GPC6: variants seen among roughly 807,000 people sequenced by gnomAD.
The protein encoded by GPC6 is glypican-6.
A neutral mutation model predicts 55.2 loss-of-function variants in GPC6; 14 were observed. That is an observed-to-expected ratio of 0.25 (90% CI 0.17 to 0.40). GPC6 has a LOEUF of 0.40. Ranked by LOEUF, GPC6 falls within the 10% of genes least tolerant of loss-of-function variation. The pLI is 1.00. For missense variants in GPC6, 641 were observed against 708.5 expected, an observed-to-expected ratio of 0.90 and a Z score of 1.08; for synonymous variants, 278 against 259.6, an observed-to-expected ratio of 1.07 and a Z score of -0.68.
At chr13:93,662,463 C>G (rs1409433964) in intron 2 of GPC6, among the ~76,000 whole-genome samples, 1 of 151,950 alleles carries the variant, frequency 6.6e-6, no homozygotes, top group Non-Finnish European at 1.5e-5. Flanking sequence ...AACCCTGTCT[C>G]TACTAAAAAA....
intron 3 of GPC6, among the ~76,000 whole-genome samples, chr13:93,994,417 T>C (rs543863943): frequency 6.6e-6 from 1 of 152,334 alleles, no homozygotes; most frequent in Non-Finnish European, 1.5e-5. Flanking sequence ...TATAACATTG[T>C]GGATTGGTTA....
At chr13:93,692,163 G>C (rs902427783) in intron 2 of GPC6, among the ~76,000 whole-genome samples, 1 of 152,032 alleles carries the variant, frequency 6.6e-6, no homozygotes, top group Admixed American at 6.6e-5. Context: ...CTGCTTCACT[G>C]TGTTGCCTTT....
At chr13:94,015,877 T>C (rs1440710959) in intron 3 of GPC6, among the ~76,000 whole-genome samples, 3 of 152,240 alleles carry the variant, frequency 2.0e-5, no homozygotes, top group Admixed American at 2.0e-4. Context: ...CTTACACCAG[T>C]ACCACTGTGT....
intron 1 of GPC6, among the ~76,000 whole-genome samples, chr13:93,477,202 G>C (rs1267541880): frequency 6.6e-6 from 1 of 151,930 alleles, no homozygotes; most frequent in Non-Finnish European, 1.5e-5. Flanking sequence ...TGATATTTTA[G>C]AGTATCCCAG....
intron 3 of GPC6, among the ~76,000 whole-genome samples, chr13:93,949,823 C>G (rs1879172829): frequency 6.6e-6 from 1 of 152,080 alleles, no homozygotes. Context: ...CACCTCTGGG[C>G]TCCCGTGATC....
At chr13:93,403,003 A>T (rs1182027550) in intron 1 of GPC6, among the ~76,000 whole-genome samples, 2 of 152,196 alleles carry the variant, frequency 1.3e-5, no homozygotes, top group African/African-American at 4.8e-5. Flanking sequence ...ATACACATTT[A>T]TAAATCTAAT....
chr13:94,102,146 G>T (rs1566407385), intron 4 of GPC6, among the ~76,000 whole-genome samples: 1 of 152,028 alleles, frequency 6.6e-6, no homozygotes, highest in Non-Finnish European at 1.5e-5. Context: ...TGGCAGCAGG[G>T]AATAAAAATT....
intron 4 of GPC6, among the ~76,000 whole-genome samples, chr13:94,122,698 A>T (rs1886676297): frequency 6.6e-6 from 1 of 152,116 alleles, no homozygotes; most frequent in Non-Finnish European, 1.5e-5. Context: ...ACACGTCATA[A>T]ATCAGCCAGA....
At chr13:94,019,172 A>C (rs7326170) in intron 3 of GPC6, among the ~76,000 whole-genome samples, 6,535 of 152,246 alleles carry the variant, frequency 0.043, 442 homozygotes, top group African/African-American at 0.14. Context: ...AGAATTTACA[A>C]GTTAAGCCAT....
intron 6 of GPC6, among the ~76,000 whole-genome samples, chr13:94,352,163 G>A (rs546280283): frequency 1.3e-5 from 2 of 151,944 alleles, no homozygotes; most frequent in South Asian, 2.1e-4. Flanking sequence ...GTGAGCTGAG[G>A]CCAACCAGGT....
chr13:93,229,522 A>C (rs565056887), intron 1 of GPC6, among the ~76,000 whole-genome samples: 74 of 152,322 alleles, frequency 4.9e-4, no homozygotes, highest in African/African-American at 1.7e-3. Context: ...TTAATATCAA[A>C]GTGAAGATTT....
chr13:93,620,926 G>T (rs1234545537), intron 2 of GPC6, among the ~76,000 whole-genome samples: 1 of 152,002 alleles, frequency 6.6e-6, no homozygotes, highest in Admixed American at 6.6e-5. Flanking sequence ...ATCTCATTGG[G>T]CTGCACTTTT....
At chr13:94,269,922 T>A (rs778643650) in intron 4 of GPC6, among the ~76,000 whole-genome samples, 1 of 152,186 alleles carries the variant, frequency 6.6e-6, no homozygotes, top group Non-Finnish European at 1.5e-5. Flanking sequence ...GTGTCAGATG[T>A]TGATGTTGTG....
chr13:93,492,257 C>T (rs1012293808), intron 1 of GPC6, among the ~76,000 whole-genome samples: 20 of 145,492 alleles, frequency 1.4e-4, no homozygotes, highest in African/African-American at 5.1e-4. Flanking sequence ...AGTTGGATTC[C>T]TAGGTATTTA....
At chr13:94,247,995 C>T (rs1891246798) in intron 4 of GPC6, among the ~76,000 whole-genome samples, 1 of 151,954 alleles carries the variant, frequency 6.6e-6, no homozygotes, top group Non-Finnish European at 1.5e-5. Context: ...TGCCACTGTG[C>T]CCAGCTTTGT....
intron 3 of GPC6, among the ~76,000 whole-genome samples, chr13:93,982,054 T>C (rs1880828351): frequency 6.6e-6 from 1 of 152,148 alleles, no homozygotes; most frequent in Non-Finnish European, 1.5e-5. Context: ...TGTGGAATGG[T>C]CACTTGGGGT....
intron 1 of GPC6, among the ~76,000 whole-genome samples, chr13:93,440,949 G>T (rs1877773408): frequency 6.6e-6 from 1 of 151,878 alleles, no homozygotes; most frequent in African/African-American, 2.4e-5. Context: ...GCGGTATTTG[G>T]TTTTTTGTCC....
intron 3 of GPC6, among the ~76,000 whole-genome samples, chr13:93,892,093 A>G (rs1207336387): frequency 6.6e-6 from 1 of 152,072 alleles, no homozygotes; most frequent in African/African-American, 2.4e-5. Flanking sequence ...CTACACATAC[A>G]CACATATATG....
chr13:94,205,138 C>T (rs1297395745), intron 4 of GPC6, among the ~76,000 whole-genome samples: 1 of 152,076 alleles, frequency 6.6e-6, no homozygotes, highest in Non-Finnish European at 1.5e-5. Flanking sequence ...TATGTGCTTC[C>T]TTGATGCTTA....
Sources: allele counts gnomAD v4.1 joint callset (sites outside exome capture counted in the v4.1 genomes callset), GRCh38; gene constraint gnomAD v4.1.1; transcripts MANE v1.5; gene names NCBI Gene and HGNC (gene_info 2026-07-23, HGNC 2026-07-21).